The following HS6ST3 variants were observed in gnomAD, a reference collection of about 807,000 sequenced individuals.
HS6ST3 encodes the protein heparan-sulfate 6-O-sulfotransferase 3.
In HS6ST3, 12 loss-of-function variants were observed where a neutral mutation model predicts 36.7. The ratio of observed to expected loss-of-function variants is 0.33; its 90% CI spans 0.21 to 0.53. HS6ST3 has a LOEUF of 0.53. HS6ST3 is among the 20% of genes least tolerant of loss of function. The pLI is 0.95. For missense variants in HS6ST3, 584 were observed against 640.9 expected, an observed-to-expected ratio of 0.91 and a Z score of 0.96; for synonymous variants, 240 against 257.5, an observed-to-expected ratio of 0.93 and a Z score of 0.65.
At chr13:96,182,758 C>T (rs889008538) in intron 1 of HS6ST3, among the ~76,000 whole-genome samples, 2 of 152,132 alleles carry the variant, frequency 1.3e-5, no homozygotes, top group African/African-American at 4.8e-5. Flanking sequence ...TACTTAGTTG[C>T]AAAATGATGT....
At chr13:96,768,219 A>G (rs1477060814) in intron 1 of HS6ST3, among the ~76,000 whole-genome samples, 2 of 152,184 alleles carry the variant, frequency 1.3e-5, no homozygotes, top group Non-Finnish European at 2.9e-5. Flanking sequence ...AAGGTAGGTC[A>G]CACTTGCTTA....
intron 1 of HS6ST3, among the ~76,000 whole-genome samples, chr13:96,154,650 A>T (rs545033504): frequency 6.6e-6 from 1 of 152,260 alleles, no homozygotes; most frequent in Admixed American, 6.5e-5. Context: ...TGAACAGATG[A>T]CTCACAAAGG....
intron 1 of HS6ST3, among the ~76,000 whole-genome samples, chr13:96,223,657 G>C (rs564100746): frequency 2.4e-4 from 36 of 152,134 alleles, no homozygotes; most frequent in Admixed American, 1.5e-3. Context: ...TGGATATGGG[G>C]GGGGGGAAGT....
At chr13:96,773,322 G>A (rs559814022) in intron 1 of HS6ST3, among the ~76,000 whole-genome samples, 2 of 152,198 alleles carry the variant, frequency 1.3e-5, no homozygotes, top group East Asian at 1.9e-4. Flanking sequence ...AGACAGAACC[G>A]TTCACTCCAC....
chr13:96,634,751 G>C (rs2056543290), intron 1 of HS6ST3, among the ~76,000 whole-genome samples: 1 of 152,134 alleles, frequency 6.6e-6, no homozygotes, highest in African/African-American at 2.4e-5. Context: ...ATTTGCAGAG[G>C]TGCCTGCTTC....
rs1400606163 is a variant in HS6ST3 at position 96,832,883 on chromosome 13, A to G, written c.1101A>G (p.Thr367=). The change falls in exon 2 of 2, where the codon ACA becomes ACG. Residue 367 remains threonine (T), a synonymous_variant. Coordinates refer to ENST00000376705, the MANE Select transcript of HS6ST3 (RefSeq NM_153456.4). The part of the protein sequence containing the change: ...QRKTQFLFER[T]FNLKFISPFT... The stretch of plus-strand genomic sequence containing the variant: ...AGACACAGTTTCTCTTTGAGAGAAC[A>G]TTCAACCTCAAGTTCATCTCCCCCT... 1 of 1,614,092 alleles carries G rather than the reference A, an allele frequency of 6.2e-7. No homozygotes were observed. The highest frequency in any genetic ancestry group is 1.7e-5 in the Admixed American group (1 of 60,006).
rs183727684 is a variant in HS6ST3 at position 96,398,144 on chromosome 13, T to C, written c.707+306575T>C. 7.0e-4 allele frequency among the ~76,000 whole-genome samples: 106 copies of C among 152,312 alleles called. 2 individuals are homozygous for C. The East Asian group carries it at 0.016, about 22-fold the overall frequency. On this transcript the variant is annotated intron_variant, in intron 1 of 1. Coordinates refer to ENST00000376705, the MANE Select transcript of HS6ST3 (RefSeq NM_153456.4). ...ATTGTGACTGTTAAATATAATAATG[T>C]GTGCAAAGCCCACTGCGTAGGAAGT...
At chr13:96,201,307 A>G (rs1312074069) in intron 1 of HS6ST3, among the ~76,000 whole-genome samples, 2 of 152,042 alleles carry the variant, frequency 1.3e-5, no homozygotes, top group Non-Finnish European at 2.9e-5. Context: ...TTCCATTTCA[A>G]ATTTCTAAAT....
intron 1 of HS6ST3, among the ~76,000 whole-genome samples, chr13:96,657,058 AC>A (rs1181759021): frequency 4.0e-5 from 6 of 148,744 alleles, no homozygotes; most frequent in Non-Finnish European, 8.9e-5. Context: ...CATGTGTCTT[AC>A]CCTGCCACAC....
chr13:96,217,535 C>T (rs557222058), intron 1 of HS6ST3, among the ~76,000 whole-genome samples: 15 of 152,282 alleles, frequency 9.9e-5, no homozygotes, highest in African/African-American at 3.4e-4. Flanking sequence ...AGCTTCCTAA[C>T]GAAGTAGATG....
intron 1 of HS6ST3, among the ~76,000 whole-genome samples, chr13:96,177,044 G>T (rs912578696): frequency 6.6e-6 from 1 of 152,182 alleles, no homozygotes; most frequent in Admixed American, 6.5e-5. Context: ...GATCATTAGA[G>T]AAATGCAAAT....
chr13:96,691,550 GTTC>G (rs566903797), intron 1 of HS6ST3, among the ~76,000 whole-genome samples: 7 of 152,076 alleles, frequency 4.6e-5, no homozygotes, highest in Admixed American at 6.6e-5. Context: ...TCTCTGATCA[GTTC>G]TTCTTCTTTA....
At chr13:96,373,073 C>T (rs1017957623) in intron 1 of HS6ST3, among the ~76,000 whole-genome samples, 3 of 152,136 alleles carry the variant, frequency 2.0e-5, no homozygotes, top group African/African-American at 7.2e-5. Flanking sequence ...GTGGCTGCTG[C>T]ATCATTTTAA....
intron 1 of HS6ST3, among the ~76,000 whole-genome samples, chr13:96,649,305 G>A (rs2056599580): frequency 6.6e-6 from 1 of 151,990 alleles, no homozygotes; most frequent in Non-Finnish European, 1.5e-5. Context: ...GCAAGGAGAA[G>A]TACAGAGTGA....
At chr13:96,330,373 G>A (rs1430819313) in intron 1 of HS6ST3, among the ~76,000 whole-genome samples, 2 of 149,330 alleles carry the variant, frequency 1.3e-5, no homozygotes, top group Non-Finnish European at 3.0e-5. Flanking sequence ...TTTAGGGCAG[G>A]CCTGGTGGTG....
intron 1 of HS6ST3, among the ~76,000 whole-genome samples, chr13:96,227,128 A>G (rs2054484481): frequency 6.6e-6 from 1 of 152,204 alleles, no homozygotes; most frequent in African/African-American, 2.4e-5. Context: ...CATATTTTGC[A>G]CGTTCCATAC....
chr13:96,162,472 G>C (rs1407878295), intron 1 of HS6ST3, among the ~76,000 whole-genome samples: 1 of 152,174 alleles, frequency 6.6e-6, no homozygotes, highest in African/African-American at 2.4e-5. Context: ...GGACCTTTGG[G>C]TTTGGAGGTG....
At chr13:96,321,767 C>T (rs1467333530) in intron 1 of HS6ST3, among the ~76,000 whole-genome samples, 1 of 152,194 alleles carries the variant, frequency 6.6e-6, no homozygotes, top group African/African-American at 2.4e-5. Context: ...ATTCAACCCT[C>T]TGCCTCTCTG....
intron 1 of HS6ST3, among the ~76,000 whole-genome samples, chr13:96,799,630 G>A (rs1196676393): frequency 6.8e-6 from 1 of 147,022 alleles, no homozygotes; most frequent in Admixed American, 6.9e-5. Flanking sequence ...GGGGACTGTT[G>A]TGGGGTGGAG....
Sources: allele counts gnomAD v4.1 joint callset (sites outside exome capture counted in the v4.1 genomes callset), GRCh38; gene constraint gnomAD v4.1.1; transcripts MANE v1.5; gene names NCBI Gene and HGNC (gene_info 2026-07-23, HGNC 2026-07-21).